Variants in FBLN2 observed in about 807,000 individuals in gnomAD.
FBLN2 encodes the protein fibulin 2.
Under a neutral mutation model 123.7 loss-of-function variants are expected in FBLN2, and 81 were observed. The ratio of observed to expected loss-of-function variants is 0.65; its 90% CI spans 0.55 to 0.79. FBLN2 has a LOEUF of 0.79. Ranked by LOEUF, FBLN2 falls within the 30% of genes least tolerant of loss-of-function variation. The probability of loss-of-function intolerance (pLI) is 0.00; values close to 1 mark genes in which losing one functional copy is unlikely to be tolerated. For missense variants in FBLN2, 1,603 were observed against 1,681.3 expected, an observed-to-expected ratio of 0.95 and a Z score of 0.81; for synonymous variants, 699 against 701.4, an observed-to-expected ratio of 1.00 and a Z score of 0.05.
chr3:13,630,009 G>C, intron 14 of FBLN2, 64 bp downstream of exon 14: 1 of 1,589,148 alleles, frequency 6.3e-7, no homozygotes, highest in Non-Finnish European at 8.5e-7. Context: ...ACCCGCCGTG[G>C]AAGGCCCAGA....
In FBLN2 at chr3:13,588,280, A is replaced by G. The variant is rs923728788; in HGVS notation, c.1306+16619A>G. 8.5e-5 allele frequency among the ~76,000 whole-genome samples: 13 copies of G among 152,344 alleles called. No individual in the cohort carries two copies. In the East Asian group the frequency reaches 1.7e-3, roughly 20 times the overall value. On this transcript the variant is annotated intron_variant, in intron 2 of 17. Coordinates refer to ENST00000404922, the MANE Select transcript of FBLN2 (RefSeq NM_001004019.2). ...GGAGCAAGGCTATATCATGCAGCCC[A>G]GGTGTGTAGTAGTCTATGACACTTA...
At chr3:13,618,570 T>A (rs1344251877) in intron 6 of FBLN2, among the ~76,000 whole-genome samples, 1 of 152,208 alleles carries the variant, frequency 6.6e-6, no homozygotes, top group Non-Finnish European at 1.5e-5. Context: ...AACCCAGCTA[T>A]CTCCCCAGTG....
At chr3:13,586,633 G>A (rs1704511898) in intron 2 of FBLN2, among the ~76,000 whole-genome samples, 1 of 151,220 alleles carries the variant, frequency 6.6e-6, no homozygotes, top group South Asian at 2.1e-4. Flanking sequence ...GAGTAGCTGG[G>A]ACTACAGGCG....
At chr3:13,605,563 G>T (rs1705174354) in intron 2 of FBLN2, among the ~76,000 whole-genome samples, 1 of 152,178 alleles carries the variant, frequency 6.6e-6, no homozygotes, top group Non-Finnish European at 1.5e-5. Context: ...GACAGCTCCT[G>T]CATGTAGCAT....
chr3:13,599,142 C>G (rs975388717), intron 2 of FBLN2, among the ~76,000 whole-genome samples: 1 of 152,146 alleles, frequency 6.6e-6, no homozygotes, highest in African/African-American at 2.4e-5. Flanking sequence ...CCCAAGGCTC[C>G]CCAAGATGAC....
intron 3 of FBLN2, 54 bp downstream of exon 3, chr3:13,608,227 C>A: frequency 7.4e-7 from 1 of 1,347,734 alleles, no homozygotes; most frequent in Non-Finnish European, 1.0e-6. Flanking sequence ...TCTCCAGAAC[C>A]CTGCTTGCCT....
intron 5 of FBLN2, among the ~76,000 whole-genome samples, chr3:13,617,147 C>A (rs1224227247): frequency 6.7e-6 from 1 of 150,274 alleles, no homozygotes; most frequent in Non-Finnish European, 1.5e-5. Flanking sequence ...TTCATCAATC[C>A]ATCCATCCAT....
chr3:13,555,504 A>G (rs953919113), intron 1 of FBLN2, among the ~76,000 whole-genome samples: 20 of 151,508 alleles, frequency 1.3e-4, no homozygotes, highest in Middle Eastern at 3.5e-3. Flanking sequence ...GCCCAGGCTG[A>G]AGTGCAGTGG....
intron 1 of FBLN2, among the ~76,000 whole-genome samples, chr3:13,557,006 C>G (rs886847048): frequency 6.6e-6 from 1 of 152,278 alleles, no homozygotes; most frequent in Non-Finnish European, 1.5e-5. Flanking sequence ...AAATGAGGCC[C>G]GCCACATGGC....
At chr3:13,619,287 G>A (rs902323302) in intron 7 of FBLN2, among the ~76,000 whole-genome samples, 5 of 152,304 alleles carry the variant, frequency 3.3e-5, no homozygotes, top group South Asian at 2.1e-4. Flanking sequence ...TTCTTGTAAC[G>A]TTGAGGTAGT....
chr3:13,595,790 T>A (rs1277934952), intron 2 of FBLN2, among the ~76,000 whole-genome samples: 1 of 152,152 alleles, frequency 6.6e-6, no homozygotes, highest in Non-Finnish European at 1.5e-5. Context: ...GGGAACCCAT[T>A]GTCCTATGAT....
intron 2 of FBLN2, among the ~76,000 whole-genome samples, chr3:13,577,795 A>G (rs112338952): frequency 7.2e-4 from 109 of 152,332 alleles, no homozygotes; most frequent in African/African-American, 2.6e-3. Context: ...CCAGCTCCCC[A>G]GGTCTCATTG....
chr3:13,549,496 G>A (rs1423399363), intron 1 of FBLN2, among the ~76,000 whole-genome samples: 1 of 151,786 alleles, frequency 6.6e-6, no homozygotes, highest in Non-Finnish European at 1.5e-5. Context: ...CCCCAGGTCC[G>A]CAGCTTCCTC....
chr3:13,575,296 G>A (rs559732174), intron 2 of FBLN2, among the ~76,000 whole-genome samples: 2 of 152,312 alleles, frequency 1.3e-5, no homozygotes, highest in Admixed American at 6.5e-5. Flanking sequence ...AGTGGGCCAT[G>A]GGTGGGCAGA....
In FBLN2 at chr3:13,571,397, T is replaced by C; in HGVS notation, c.1042T>C (p.Ser348Pro). ...ENLILDAQAT[S>P]RSTGPEGVTH... ...CCTCATCCTGGATGCCCAAGCCACGTCCCGCAGCACTGGGCCGGAGGGCGT... is the reference window on the plus strand; with the variant it reads ...CCTCATCCTGGATGCCCAAGCCACGCCCCGCAGCACTGGGCCGGAGGGCGT... The change falls in exon 2 of 18, where the codon TCC becomes CCC. Residue 348 changes from serine to proline, a missense_variant. Transcript: ENST00000404922. 1 of 1,613,052 alleles carries C rather than the reference T, an allele frequency of 6.2e-7. No homozygotes were observed. Among genetic ancestry groups the C allele is most frequent in the Non-Finnish European group, 8.5e-7 (1 of 1,179,646 alleles).
At chr3:13,600,812 C>T (rs1241170994) in intron 2 of FBLN2, among the ~76,000 whole-genome samples, 1 of 152,096 alleles carries the variant, frequency 6.6e-6, no homozygotes, top group Non-Finnish European at 1.5e-5. Flanking sequence ...GATGGGTTTT[C>T]GCCATGTTGG....
chr3:13,555,860 G>A (rs1045451683), intron 1 of FBLN2, among the ~76,000 whole-genome samples: 2 of 152,186 alleles, frequency 1.3e-5, no homozygotes, highest in Admixed American at 6.5e-5. Flanking sequence ...AGAGGGATTC[G>A]CGGGGACATT....
chr3:13,633,515 C>A (rs1706334729), intron 16 of FBLN2, among the ~76,000 whole-genome samples: 1 of 152,238 alleles, frequency 6.6e-6, no homozygotes, highest in South Asian at 2.1e-4. Flanking sequence ...GCTCCCCGGC[C>A]TCATCCATTT....
intron 2 of FBLN2, among the ~76,000 whole-genome samples, chr3:13,573,662 G>C (rs1704036615): frequency 1.3e-5 from 2 of 152,160 alleles, no homozygotes; most frequent in African/African-American, 4.8e-5. Context: ...CCAGCACTTT[G>C]GGAGGCCAAG....
Sources: allele counts gnomAD v4.1 joint callset (sites outside exome capture counted in the v4.1 genomes callset), GRCh38; gene constraint gnomAD v4.1.1; transcripts MANE v1.5; gene names NCBI Gene and HGNC (gene_info 2026-07-23, HGNC 2026-07-21).